TEX54: variants seen among roughly 807,000 people sequenced by gnomAD.
TEX54 encodes the protein testis-expressed protein 54.
For synonymous variants in TEX54, 17 were observed against 7.0 expected (o/e 2.42, Z -2.24); for missense variants, 58 against 19.6 (o/e 2.96, Z -3.70).
chr11:62,832,806 C>T (rs2084890474), upstream of TEX54: 1 of 1,044,020 alleles, frequency 9.6e-7, no homozygotes, highest in Non-Finnish European at 1.3e-6. Context: ...TGCCTCCAGG[C>T]CCGGCTTTTG....
At position 62,832,618 on chromosome 11, in the gene TEX54, C is replaced by G. The variant is rs780351916; in HGVS notation, c.133G>C (p.Glu45Gln). Residue 45 changes from glutamate (E) to glutamine (Q), a missense_variant, in exon 1 of 1, where the codon GAG becomes CAG. By Grantham distance (29) the Glu-to-Gln change is conservative. Transcript: ENST00000636508. ...AGGCCTCTGAGCTCACCCCTACCCTCGGGAAGCCCCCTCTCACACTCCCTG... is the reference window on the plus strand; with the variant it reads ...AGGCCTCTGAGCTCACCCCTACCCTGGGGAAGCCCCCTCTCACACTCCCTG... 1.3e-4 allele frequency: 60 copies of G among 445,926 alleles called. 1 individual carries two copies. The highest frequency in any genetic ancestry group is 2.2e-4 in the African/African-American group (11 of 48,978). 27.6% of individuals were successfully genotyped at this position (445,926 alleles called of 1,614,324 possible).
upstream of TEX54, chr11:62,832,836 GC>G (rs2084890827): frequency 8.0e-7 from 1 of 1,242,766 alleles, no homozygotes. Flanking sequence ...ATATCCCGTC[GC>G]CCCAGCTCAG....
exon 1 of TEX54, chr11:62,832,736 T>G (rs1464263063): frequency 7.0e-6 from 4 of 569,808 alleles, no homozygotes; most frequent in Admixed American, 3.4e-5. Flanking sequence ...AGTCCTTGTC[T>G]TGGCAGCAGC....
chr11:62,832,769 A>C (rs1590982324), exon 1 of TEX54: 1 of 682,776 alleles, frequency 1.5e-6, no homozygotes, highest in Non-Finnish European at 2.4e-6. Flanking sequence ...GTGGCCCTGG[A>C]CTCCGTGCCA....
chr11:62,832,831 C>G, upstream of TEX54: 1 of 1,215,978 alleles, frequency 8.2e-7, no homozygotes, highest in Non-Finnish European at 1.1e-6. Flanking sequence ...ATCAGATATC[C>G]CGTCGCCCCA....
At chr11:62,832,810 G>T (rs2084890581), upstream of TEX54, 2 of 1,086,272 alleles carry the variant, frequency 1.8e-6, no homozygotes, top group Non-Finnish European at 2.5e-6. Context: ...TCCAGGCCCG[G>T]CTTTTGTGAC....
At chr11:62,832,417 G>T in exon 1 of TEX54, 1 of 478,602 alleles carries the variant, frequency 2.1e-6, no homozygotes. Flanking sequence ...TCTCGGATCG[G>T]ACTCTCCTGC....
chr11:62,832,375 G>A, exon 1 of TEX54: 1 of 503,050 alleles, frequency 2.0e-6, no homozygotes, highest in Non-Finnish European at 3.5e-6. Context: ...CAGGTCTGGG[G>A]TCATCCCTTC....
exon 1 of TEX54, chr11:62,832,494 C>T (rs1232587982): frequency 4.5e-6 from 2 of 440,370 alleles, no homozygotes; most frequent in Non-Finnish European, 8.0e-6. Flanking sequence ...CGTGGATAGT[C>T]GCCGCCACAG....
chr11:62,832,727 G>A, exon 1 of TEX54: 1 of 562,926 alleles, frequency 1.8e-6, no homozygotes, highest in East Asian at 3.0e-5. Flanking sequence ...ACATCTCAAA[G>A]TCCTTGTCTT....
chr11:62,832,714 C>A, exon 1 of TEX54: 1 of 549,722 alleles, frequency 1.8e-6, no homozygotes, highest in Non-Finnish European at 3.2e-6. Context: ...GACTGCTCAT[C>A]AGACATCTCA....
exon 1 of TEX54, chr11:62,832,757 G>T: frequency 3.3e-6 from 2 of 603,150 alleles, no homozygotes; most frequent in South Asian, 2.4e-5. Context: ...CCATGGCCCC[G>T]CGTGGCCCTG....
exon 1 of TEX54, chr11:62,832,773 C>A: frequency 1.4e-6 from 1 of 726,450 alleles, no homozygotes; most frequent in Non-Finnish European, 2.2e-6. Flanking sequence ...CCCTGGACTC[C>A]GTGCCACCCA....
chr11:62,832,642 T>A (rs932559272), exon 1 of TEX54: 1 of 466,044 alleles, frequency 2.1e-6, no homozygotes, highest in Non-Finnish European at 3.8e-6. Flanking sequence ...TCACACTCCC[T>A]GGGCCCTCTT....
chr11:62,832,423 C>CTTCCGAAT, the TEX54 span: 1 of 474,294 alleles, frequency 2.1e-6, no homozygotes, highest in Non-Finnish European at 3.7e-6. Flanking sequence ...ATCGGACTCT[C>CTTCCGAAT]CTGCTTCCGA....
exon 1 of TEX54, chr11:62,832,327 A>G: frequency 1.7e-6 from 1 of 577,008 alleles, no homozygotes; most frequent in Non-Finnish European, 3.1e-6. Context: ...GGTATACGTT[A>G]GAAATTTTAT....
chr11:62,832,451 C>T, exon 1 of TEX54: 2 of 450,232 alleles, frequency 4.4e-6, no homozygotes, highest in Non-Finnish European at 7.8e-6. Flanking sequence ...CTGGTTGCCT[C>T]TTGCTTGGCC....
chr11:62,832,702 T>A, the TEX54 span: 15 of 534,532 alleles, frequency 2.8e-5, no homozygotes, highest in East Asian at 4.7e-4. Context: ...TCTTCCTCCT[T>A]GGACTGCTCA....
At chr11:62,832,484 C>T (rs1396919557) in exon 1 of TEX54, 3 of 445,220 alleles carry the variant, frequency 6.7e-6, no homozygotes, top group Admixed American at 3.9e-5. Context: ...GACGACCGAA[C>T]GTGGATAGTC....
Sources: gnomAD v4.1 joint callset for allele counts on GRCh38, gnomAD v4.1.1 for gene constraint, MANE v1.5 for transcripts, NCBI Gene and HGNC (gene_info 2026-07-23, HGNC 2026-07-21) for gene names.